CREB3L2: variants seen among roughly 807,000 people sequenced by gnomAD.
CREB3L2 encodes the protein cAMP responsive element binding protein 3 like 2.
Under a neutral mutation model 57.2 loss-of-function variants are expected in CREB3L2, and 23 were observed. The observed-to-expected ratio is 0.40, with a 90% CI of 0.29 to 0.57. The LOEUF (loss-of-function observed/expected upper bound fraction) is 0.57, where lower values mean the gene tolerates loss of function less well. CREB3L2 is among the 20% of genes least tolerant of loss of function. CREB3L2 has a pLI of 0.42. For synonymous variants in CREB3L2, 268 were observed against 265.1 expected, an observed-to-expected ratio of 1.01 and a Z score of -0.11; for missense variants, 628 against 634.7, an observed-to-expected ratio of 0.99 and a Z score of 0.11.
chr7:137,971,165 C>T (rs888981460), intron 1 of CREB3L2, among the ~76,000 whole-genome samples: 1 of 151,896 alleles, frequency 6.6e-6, no homozygotes, highest in Non-Finnish European at 1.5e-5. Context: ...AAAAAAAAAA[C>T]TGGGGCCAGG....
intron 1 of CREB3L2, chr7:137,956,662 C>T (rs1277974148): frequency 1.5e-5 from 19 of 1,282,248 alleles, no homozygotes; most frequent in Non-Finnish European, 1.9e-5. Flanking sequence ...CATATTGAAA[C>T]AGCACAATTT....
At chr7:137,987,924 A>G (rs757567373) in intron 1 of CREB3L2, among the ~76,000 whole-genome samples, 4 of 152,210 alleles carry the variant, frequency 2.6e-5, no homozygotes, top group South Asian at 4.1e-4. Context: ...TAATGTGATA[A>G]AAAGTCATCT....
chr7:137,894,875 G>A (rs942677720), intron 8 of CREB3L2, among the ~76,000 whole-genome samples: 2 of 152,186 alleles, frequency 1.3e-5, no homozygotes, highest in African/African-American at 4.8e-5. Flanking sequence ...GTAAGGACCA[G>A]TTCAAAAGTT....
At chr7:137,888,007 C>A (rs189228840) in intron 8 of CREB3L2, among the ~76,000 whole-genome samples, 1 of 152,308 alleles carries the variant, frequency 6.6e-6, no homozygotes, top group Admixed American at 6.5e-5. Context: ...GGCTGGAGTG[C>A]AGTGGTGTGA....
At chr7:137,969,193 A>G (rs1801457817) in intron 1 of CREB3L2, among the ~76,000 whole-genome samples, 1 of 152,226 alleles carries the variant, frequency 6.6e-6, no homozygotes, top group African/African-American at 2.4e-5. Flanking sequence ...TACAAATCAT[A>G]AAAGCTAAGT....
intron 1 of CREB3L2, among the ~76,000 whole-genome samples, chr7:137,968,065 C>G (rs1801438034): frequency 6.6e-6 from 1 of 152,184 alleles, no homozygotes; most frequent in African/African-American, 2.4e-5. Context: ...TCAGTAAAAG[C>G]TTGCTATTTT....
At chr7:137,987,000 C>T (rs1041101145) in intron 1 of CREB3L2, among the ~76,000 whole-genome samples, 7 of 152,238 alleles carry the variant, frequency 4.6e-5, no homozygotes, top group African/African-American at 1.4e-4. Flanking sequence ...TCGCCTGGAG[C>T]TGGTTTGGGC....
chr7:137,945,049 C>T (rs750067492), intron 1 of CREB3L2, among the ~76,000 whole-genome samples: 6 of 152,262 alleles, frequency 3.9e-5, no homozygotes, highest in African/African-American at 9.6e-5. Flanking sequence ...TGTGCCACCA[C>T]GCCCAGCTAA....
intron 1 of CREB3L2, among the ~76,000 whole-genome samples, chr7:137,936,166 T>A (rs547429418): frequency 2.0e-5 from 3 of 152,296 alleles, no homozygotes; most frequent in African/African-American, 7.2e-5. Context: ...GAAAGATGAA[T>A]AAAGGTCAGT....
chr7:137,937,194 T>G (rs567949557), intron 1 of CREB3L2, among the ~76,000 whole-genome samples: 5 of 152,202 alleles, frequency 3.3e-5, no homozygotes, highest in African/African-American at 1.2e-4. Context: ...CTAGGAGCCT[T>G]ACCTAGAGCA....
chr7:137,955,653 G>C (rs934360361), intron 1 of CREB3L2, among the ~76,000 whole-genome samples: 1 of 152,104 alleles, frequency 6.6e-6, no homozygotes, highest in Non-Finnish European at 1.5e-5. Flanking sequence ...TTTTGAAAAA[G>C]AACTGAAATA....
At position 137,878,540 on chromosome 7, in the gene CREB3L2, G is replaced by A; in HGVS notation, c.*1936C>T. 1 of 233,560 alleles carries A rather than the reference G, an allele frequency of 4.3e-6. No homozygotes were observed. Among genetic ancestry groups the A allele is most frequent in the Non-Finnish European group, 8.4e-6 (1 of 118,422 alleles). The allele number at this position is 233,560 out of a possible 1,614,324, so 14.5% of individuals were successfully genotyped here. A position where few individuals can be genotyped will look rare whatever the true frequency, so the allele number is the denominator to read the frequency against. On this transcript the variant is annotated 3_prime_UTR_variant, in exon 12 of 12. Transcript: ENST00000330387. ...GACAGTGGAGCAGAGAGAAGCAGAAGCAGAACCTACTAGCAACCCTCCTCC... is the reference window on the plus strand; with the variant it reads ...GACAGTGGAGCAGAGAGAAGCAGAAACAGAACCTACTAGCAACCCTCCTCC...
chr7:137,880,625 G>C lies in CREB3L2; in HGVS notation c.1488-74C>G, dbSNP rs972935806. ...CTACAATTCTCATGCTTTGTAGCGT[G>C]ATGCAATCATTCAGGGGTTGCAACT... On this transcript the variant is annotated intron_variant, in intron 11 of 11. Transcript: ENST00000330387. The surrounding 1 kb of genome is among the most constrained non-coding windows in gnomAD (Gnocchi z 4.0). 11 of 1,226,334 alleles carry C rather than the reference G, an allele frequency of 9.0e-6. No homozygotes were observed. In the East Asian group the frequency reaches 1.2e-4, roughly 13 times the overall value. The allele number at this position is 1,226,334 out of a possible 1,614,324, so 76.0% of individuals were successfully genotyped here.
At chr7:137,916,050 C>A in intron 2 of CREB3L2, 38 bp from the exon 3 acceptor site, 1 of 1,559,572 alleles carries the variant, frequency 6.4e-7, no homozygotes, top group South Asian at 1.2e-5. Flanking sequence ...TGAACTTGTT[C>A]AGGGCATCAG....
intron 1 of CREB3L2, among the ~76,000 whole-genome samples, chr7:137,942,631 T>A (rs1800897458): frequency 1.3e-5 from 2 of 152,110 alleles, no homozygotes; most frequent in Admixed American, 6.5e-5. Context: ...AGACCATAAA[T>A]AGAATCTAGT....
chr7:137,991,377 G>C (rs532363979), intron 1 of CREB3L2, among the ~76,000 whole-genome samples: 2 of 151,824 alleles, frequency 1.3e-5, no homozygotes, highest in South Asian at 2.1e-4. Flanking sequence ...TGTTAGCCAG[G>C]ATGGTCTCGA....
chr7:137,935,613 CCT>C (rs1289228564), intron 1 of CREB3L2, among the ~76,000 whole-genome samples: 5 of 152,148 alleles, frequency 3.3e-5, no homozygotes, highest in Non-Finnish European at 7.4e-5. Flanking sequence ...TTTACCCACC[CCT>C]CTCTCTGGAC....
intron 1 of CREB3L2, among the ~76,000 whole-genome samples, chr7:137,942,237 T>C (rs1362414807): frequency 6.6e-6 from 1 of 152,236 alleles, no homozygotes; most frequent in Non-Finnish European, 1.5e-5. Flanking sequence ...TGAACTGCAC[T>C]ATCAAGTTCC....
chr7:137,908,315 G>A lies in CREB3L2; in HGVS notation c.705C>T (p.Pro235=). 2 of 1,257,642 alleles carry A rather than the reference G, an allele frequency of 1.6e-6. No individual in the cohort carries two copies. Among genetic ancestry groups the A allele is most frequent in the Middle Eastern group, 2.3e-4 (1 of 4,258 alleles). 77.9% of individuals were successfully genotyped at this position (1,257,642 alleles called of 1,614,324 possible). A position where few individuals can be genotyped will look rare whatever the true frequency, so the allele number is the denominator to read the frequency against. Residue 235 remains proline (P), a synonymous_variant, in exon 5 of 12, where the codon CCC becomes CCT. Transcript: ENST00000330387. The part of the protein sequence containing the change: ...HPFSLPQTHS[P]SRAAPRAPSA... Reference sequence around the variant, plus strand: ...AGGGGGCCCGGGGTGCAGCTCTGGAGGGGCTGTGGGTCTGAGGCAGGCTGA... The same window carrying A: ...AGGGGGCCCGGGGTGCAGCTCTGGAAGGGCTGTGGGTCTGAGGCAGGCTGA...
Sources: gnomAD v4.1 joint callset for allele counts (sites outside exome capture counted in the v4.1 genomes callset) on GRCh38, gnomAD v4.1.1 for gene constraint, Gnocchi (gnomAD v3.1) non-coding constraint, MANE v1.5 for transcripts, NCBI Gene and HGNC (gene_info 2026-07-23, HGNC 2026-07-21) for gene names.